Variants in ZNF341 observed in about 807,000 individuals in gnomAD.
ZNF341 encodes zinc finger protein 341.
In ZNF341, 52 loss-of-function variants were observed where a neutral mutation model predicts 87.7. The observed-to-expected ratio is 0.59, with a 90% CI of 0.47 to 0.75. The LOEUF (loss-of-function observed/expected upper bound fraction) is 0.75. ZNF341 is among the 30% of genes least tolerant of loss of function. The pLI is 0.00. For synonymous variants in ZNF341, 459 were observed against 472.7 expected, an observed-to-expected ratio of 0.97 and a Z score of 0.38; for missense variants, 977 against 1,145.9, an observed-to-expected ratio of 0.85 and a Z score of 2.13.
chr20:33,749,409 CA>C (rs1457976155), intron 4 of ZNF341, among the ~76,000 whole-genome samples: 1 of 152,148 alleles, frequency 6.6e-6, no homozygotes, highest in Admixed American at 6.5e-5. Flanking sequence ...TCTTCTGCCT[CA>C]GCCTCCTGAG....
intron 1 of ZNF341, among the ~76,000 whole-genome samples, chr20:33,733,744 T>C (rs542055290): frequency 2.0e-5 from 3 of 152,268 alleles, no homozygotes; most frequent in African/African-American, 7.2e-5. Context: ...CTCCATCTAG[T>C]GGGGTTCCGA....
chr20:33,778,386 C>T (rs767532952), intron 10 of ZNF341, among the ~76,000 whole-genome samples: 11 of 152,106 alleles, frequency 7.2e-5, no homozygotes, highest in African/African-American at 2.2e-4. Context: ...CTTGGCTCAC[C>T]GCAACCTCTG....
intron 8 of ZNF341, among the ~76,000 whole-genome samples, chr20:33,764,561 A>ATATATATAT (rs1266929824): frequency 7.0e-5 from 2 of 28,414 alleles, no homozygotes; most frequent in African/African-American, 2.2e-4. Flanking sequence ...ATATATATAT[A>ATATATATAT]TTTTTTTTTT....
At chr20:33,748,679 A>C (rs2018990495) in intron 3 of ZNF341, among the ~76,000 whole-genome samples, 1 of 152,022 alleles carries the variant, frequency 6.6e-6, no homozygotes, top group African/African-American at 2.4e-5. Flanking sequence ...TATCATCCTC[A>C]TTCAGTAGAT....
rs199699262 is a variant in ZNF341 at position 33,788,899 on chromosome 20, C to T, written c.1889C>T (p.Ala630Val). Reference protein sequence around the residue: ...KPYKCSVCESAFNRKDKLKRH... With the variant: ...KPYKCSVCESVFNRKDKLKRH... ...TACAAATGCTCAGTGTGCGAGTCTG[C>T]GTTCAACCGCAAGGACAAACTGAAG... The change falls in exon 13 of 15, where the codon GCG (alanine) becomes GTG (valine). Residue 630 changes from alanine to valine, a missense_variant. Physicochemically the swap from Ala to Val is moderately conservative, Grantham distance 64 (BLOSUM62 0). This residue lies in a region of ZNF341 where 241 missense variants were observed against 335.0 expected (regional missense o/e 0.72). Transcript: ENST00000375200. 4.5e-5 allele frequency: 72 copies of T among 1,614,034 alleles called. No homozygotes were observed. The highest frequency in any genetic ancestry group is 1.6e-4 in the Middle Eastern group (1 of 6,062).
rs762351624 is a variant in ZNF341, at chr20:33,758,773, C to T, written c.995C>T (p.Thr332Ile). Residue 332 changes from threonine (T) to isoleucine (I), a missense_variant, in exon 7 of 15, where the codon ACC becomes ATC. Thr to Ile is a moderately conservative substitution (Grantham distance 89). Coordinates refer to ENST00000375200, the MANE Select transcript of ZNF341 (RefSeq NM_001282933.2). ...TGCTCATACTGTGACAAGTCATTCACCAAAAACTTTGACCTGCAGCAGCAC... is the reference window on the plus strand; with the variant it reads ...TGCTCATACTGTGACAAGTCATTCATCAAAAACTTTGACCTGCAGCAGCAC... ...LKCSYCDKSF[T>I]KNFDLQQHIR... 5.6e-6 allele frequency: 9 copies of T among 1,614,000 alleles called. No homozygotes were observed. The East Asian group carries it at 1.6e-4, about 28-fold the overall frequency.
At chr20:33,733,824 TAA>T (rs1301624799) in intron 1 of ZNF341, among the ~76,000 whole-genome samples, 1 of 152,156 alleles carries the variant, frequency 6.6e-6, no homozygotes, top group Non-Finnish European at 1.5e-5. Context: ...AGAGAAATTA[TAA>T]AACAAGCAAT....
At chr20:33,762,107 C>T (rs2019308350) in intron 8 of ZNF341, 52 bp downstream of exon 8, 1 of 1,477,074 alleles carries the variant, frequency 6.8e-7, no homozygotes, top group South Asian at 1.4e-5. Flanking sequence ...TCTGCCGCTT[C>T]ACAGGTTTTA....
Position 33,791,184 on chromosome 20 carries a change from G to A in ZNF341, c.2232G>A (p.Arg744=). 3 of 1,613,104 alleles carry A rather than the reference G, an allele frequency of 1.9e-6. No homozygotes were observed. Among genetic ancestry groups the A allele is most frequent in the Non-Finnish European group, 2.5e-6 (3 of 1,179,978 alleles). ...AAAAGGACAAGGACCTGCAAACCCG[G>A]CGGCCCCCCCAGAGGAGGGCAGCCC... ...GPQKDKDLQT[R]RPPQRRAAPR... The change falls in exon 15 of 15, where the codon CGG becomes CGA. Residue 744 remains arginine (R), a synonymous_variant. Coordinates refer to ENST00000375200, the MANE Select transcript of ZNF341 (RefSeq NM_001282933.2).
Position 33,789,534 on chromosome 20 carries a change from A to G in ZNF341, c.1981A>G (p.Ser661Gly), listed in dbSNP as rs1262874991. The change falls in exon 14 of 15, where the codon AGT (serine) becomes GGT (glycine). Residue 661 changes from serine to glycine, a missense_variant. By Grantham distance (56) the Ser-to-Gly change is moderately conservative. Around this residue, in one of 3 missense-constraint regions of ZNF341, gnomAD observed 241 missense variants for 335.0 expected, o/e 0.72. Transcript: ENST00000375200. ...GGGTTTTAGGACGCACACAGGCTGC[A>G]GTAAGGAGTTCAACCGGCCGGACAA... ...KCPFSTHTGC[S>G]KEFNRPDKLK... 2 of 1,613,924 alleles carry G rather than the reference A, an allele frequency of 1.2e-6. No individual in the cohort carries two copies. Among genetic ancestry groups the G allele is most frequent in the Non-Finnish European group, 1.7e-6 (2 of 1,179,982 alleles).
chr20:33,765,541 G>C (rs1165416661), intron 8 of ZNF341, among the ~76,000 whole-genome samples: 1 of 151,856 alleles, frequency 6.6e-6, no homozygotes, highest in Non-Finnish European at 1.5e-5. Flanking sequence ...ACCATGCCCA[G>C]CTAATTTTGT....
intron 8 of ZNF341, among the ~76,000 whole-genome samples, chr20:33,763,852 G>A (rs563244212): frequency 2.0e-5 from 3 of 151,982 alleles, no homozygotes; most frequent in South Asian, 2.1e-4. Context: ...TTAGAGCAGC[G>A]CTGCCCAACA....
chr20:33,770,392 G>T (rs2019506943), intron 10 of ZNF341, 100 bp downstream of exon 10: 1 of 1,228,070 alleles, frequency 8.1e-7, no homozygotes, highest in Non-Finnish European at 1.1e-6. Flanking sequence ...GGACCAGTGA[G>T]ATATTTGAAA....
chr20:33,782,158 A>G (rs1391162071), intron 11 of ZNF341, among the ~76,000 whole-genome samples: 2 of 152,176 alleles, frequency 1.3e-5, no homozygotes, highest in African/African-American at 2.4e-5. Context: ...CCTGTTCCTG[A>G]TAACATCAAA....
intron 1 of ZNF341, among the ~76,000 whole-genome samples, chr20:33,737,322 T>A (rs1448809778): frequency 6.6e-6 from 1 of 151,910 alleles, no homozygotes. Flanking sequence ...TTTATTTATT[T>A]TTTATTTTTT....
intron 8 of ZNF341, among the ~76,000 whole-genome samples, chr20:33,765,827 G>A (rs1234720709): frequency 6.6e-6 from 1 of 152,184 alleles, no homozygotes; most frequent in Non-Finnish European, 1.5e-5. Flanking sequence ...CTGATGTCAA[G>A]GAAAGTGAGG....
In ZNF341 at chr20:33,745,284, TC is replaced by T. The variant is rs2018894623; in HGVS notation, c.326del (p.Pro109LeufsTer17). ...APTAVQQAPT[P>X]ANRQISTYIT... is the part of the protein sequence containing the mutation. ...CCACAGCGGTCCAGCAGGCCCCAAC[TC>T]CTGCCAATCGCCAGGTATTTGTTCA... On this transcript the variant is annotated frameshift_variant, in exon 3 of 15. Coordinates refer to ENST00000375200, the MANE Select transcript of ZNF341 (RefSeq NM_001282933.2). LOFTEE classifies it high-confidence loss of function. The T allele has an allele frequency of 6.2e-7, 1 of 1,612,028 alleles. No homozygotes were observed. The highest frequency in any genetic ancestry group is 8.5e-7 in the Non-Finnish European group (1 of 1,178,618).
At chr20:33,769,937 A>C (rs976476013) in intron 9 of ZNF341, 147 bp from the exon 10 acceptor site, 4 of 619,290 alleles carry the variant, frequency 6.5e-6, no homozygotes, top group Admixed American at 5.6e-5. Context: ...ATGAATAAAA[A>C]CCCTGGGATC....
At chr20:33,753,627 A>C (rs2019108278) in intron 5 of ZNF341, among the ~76,000 whole-genome samples, 1 of 152,200 alleles carries the variant, frequency 6.6e-6, no homozygotes, top group Non-Finnish European at 1.5e-5. Flanking sequence ...TGTAAGATGC[A>C]AGCCATGAGA....
Sources: allele counts gnomAD v4.1 joint callset (sites outside exome capture counted in the v4.1 genomes callset), GRCh38; gene constraint gnomAD v4.1.1; regional missense constraint gnomAD v4.1.1; transcripts MANE v1.5; gene names NCBI Gene and HGNC (gene_info 2026-07-23, HGNC 2026-07-21).